Variants in C3orf33 observed in about 807,000 individuals in gnomAD.
C3orf33 encodes AP-1 activity suppressor.
A neutral mutation model predicts 28.7 loss-of-function variants in C3orf33; 23 were observed. The ratio of observed to expected loss-of-function variants is 0.80; its 90% CI spans 0.58 to 1.13. C3orf33 has a LOEUF of 1.13. Among genes scored for constraint, C3orf33 ranks in the 50% most tolerant of loss-of-function variants. C3orf33 has a pLI of 0.00. For missense variants in C3orf33, 327 were observed against 353.4 expected (o/e 0.93, Z 0.60); for synonymous variants, 119 against 120.5 (o/e 0.99, Z 0.08).
intron 2 of C3orf33, among the ~76,000 whole-genome samples, chr3:155,779,189 T>C (rs994227869): frequency 1.1e-4 from 16 of 151,848 alleles, no homozygotes; most frequent in Admixed American, 1.1e-3. Flanking sequence ...CCAAAAAAAG[T>C]TCAACCTAAG....
At position 155,806,242 on chromosome 3, in the gene C3orf33, T is replaced by A; in HGVS notation, c.11A>T (p.Gln4Leu). The A allele has an allele frequency of 6.9e-7, 1 of 1,455,228 alleles. No individual in the cohort carries two copies. The highest frequency in any genetic ancestry group is 9.1e-7 in the Non-Finnish European group (1 of 1,102,276). The allele number at this position is 1,455,228 out of a possible 1,614,324, so 90.1% of individuals were successfully genotyped here. Residue 4 changes from glutamine to leucine, a missense_variant, in exon 1 of 5, where the codon CAG becomes CTG. By Grantham distance (113) the Gln-to-Leu change is moderately radical. Coordinates refer to ENST00000340171, the MANE Select transcript of C3orf33 (RefSeq NM_001308229.2). The stretch of plus-strand genomic sequence containing the variant: ...AGACGGCGAGCCGGTGGCCGCGGGC[T>A]GCCCCGCCATGTTCCCGGCCTCCTG... Reference protein sequence around the residue: MAGQPAATGSPSAD... With the variant: MAGLPAATGSPSAD...
At chr3:155,768,930 C>CT (rs1750492851) in intron 3 of C3orf33, among the ~76,000 whole-genome samples, 1 of 152,112 alleles carries the variant, frequency 6.6e-6, no homozygotes, top group South Asian at 2.1e-4. Context: ...AATCCCAGCA[C>CT]TTTGGGAGGC....
rs143638743 is a variant in C3orf33 at position 155,801,972 on chromosome 3, G to A, written c.174+560C>T. On this transcript the variant is annotated intron_variant, in intron 2 of 4. Transcript: ENST00000340171. ...TCATCATGTTGGCCAGGCTGGTCTCGAACTCCTGACCTCAGGTGATCCACT... is the reference window on the plus strand; with the variant it reads ...TCATCATGTTGGCCAGGCTGGTCTCAAACTCCTGACCTCAGGTGATCCACT... Among the ~76,000 whole-genome samples the A allele has an allele frequency of 3.3e-3, 508 of 152,160 alleles. 2 individuals are homozygous for A. Among genetic ancestry groups the A allele is most frequent in the African/African-American group, 0.011 (477 of 41,506 alleles).
chr3:155,768,146 C>CTGGG (rs1055339834), intron 3 of C3orf33, among the ~76,000 whole-genome samples: 15 of 152,326 alleles, frequency 9.8e-5, no homozygotes, highest in African/African-American at 3.6e-4. Context: ...TCCCAAAGTG[C>CTGGG]TGGGATTACA....
intron 2 of C3orf33, among the ~76,000 whole-genome samples, chr3:155,795,658 A>G (rs574398641): frequency 2.0e-5 from 3 of 152,006 alleles, no homozygotes; most frequent in Non-Finnish European, 4.4e-5. Flanking sequence ...AATTTCTTGA[A>G]TCAAATGGTA....
chr3:155,801,722 G>C (rs939157233), intron 2 of C3orf33, among the ~76,000 whole-genome samples: 1 of 152,010 alleles, frequency 6.6e-6, no homozygotes, highest in Non-Finnish European at 1.5e-5. Flanking sequence ...GAGGGGAAAG[G>C]GAAGTTGGAG....
At chr3:155,788,509 C>G (rs932811748) in intron 2 of C3orf33, among the ~76,000 whole-genome samples, 5 of 151,884 alleles carry the variant, frequency 3.3e-5, no homozygotes, top group Middle Eastern at 3.4e-3. Context: ...ATAGTGAAAC[C>G]CTGTCTCTAC....
intron 2 of C3orf33, among the ~76,000 whole-genome samples, chr3:155,784,998 C>T (rs1349230245): frequency 6.6e-6 from 1 of 151,390 alleles, no homozygotes; most frequent in Non-Finnish European, 1.5e-5. Flanking sequence ...ACTTTAAATC[C>T]AAACAAATAG....
At chr3:155,800,639 A>AAAAAAAAAAAAAAAAAAAAAC (rs1751619432) in intron 2 of C3orf33, among the ~76,000 whole-genome samples, 1 of 144,068 alleles carries the variant, frequency 6.9e-6, no homozygotes, top group Non-Finnish European at 1.5e-5. Context: ...AAAAAAAAAA[A>AAAAAAAAAAAAAAAAAAAAAC]AAGGCAACAT....
chr3:155,794,954 AAT>A (rs1442531710), intron 2 of C3orf33, among the ~76,000 whole-genome samples: 1 of 152,216 alleles, frequency 6.6e-6, no homozygotes, highest in Non-Finnish European at 1.5e-5. Context: ...GTCCCAATAT[AAT>A]AATAGCTGGA....
chr3:155,784,369 G>C (rs1363818567), intron 2 of C3orf33, among the ~76,000 whole-genome samples: 1 of 152,132 alleles, frequency 6.6e-6, no homozygotes, highest in Non-Finnish European at 1.5e-5. Context: ...TTAAATTAGA[G>C]TGTTATAACT....
At chr3:155,778,159 A>C (rs994956300) in intron 2 of C3orf33, among the ~76,000 whole-genome samples, 1 of 151,686 alleles carries the variant, frequency 6.6e-6, no homozygotes, top group Non-Finnish European at 1.5e-5. Context: ...AAAAAAAAAA[A>C]AAAACAAGTA....
At chr3:155,795,841 A>G (rs1751460689) in intron 2 of C3orf33, among the ~76,000 whole-genome samples, 1 of 152,040 alleles carries the variant, frequency 6.6e-6, no homozygotes, top group South Asian at 2.1e-4. Context: ...CTGTAATCCC[A>G]GCTAATCAGG....
At chr3:155,772,160 G>A (rs540296324) in intron 3 of C3orf33, among the ~76,000 whole-genome samples, 9 of 152,190 alleles carry the variant, frequency 5.9e-5, no homozygotes, top group African/African-American at 1.4e-4. Flanking sequence ...AACCATGATC[G>A]CACCACTGCA....
chr3:155,804,255 ATAT>A (rs63242260), intron 1 of C3orf33: 85,879 of 358,576 alleles, frequency 0.24, 10,945 homozygotes, highest in East Asian at 0.36. Context: ...ATTATTTGTA[ATAT>A]TATAACTATG....
At chr3:155,786,512 T>C (rs1183896676) in intron 2 of C3orf33, among the ~76,000 whole-genome samples, 2 of 152,122 alleles carry the variant, frequency 1.3e-5, no homozygotes, top group East Asian at 3.9e-4. Flanking sequence ...ATAACATAGA[T>C]GAAATGGATA....
At chr3:155,778,549 GA>G (rs1750823599) in intron 2 of C3orf33, among the ~76,000 whole-genome samples, 1 of 152,244 alleles carries the variant, frequency 6.6e-6, no homozygotes. Context: ...TTTTTTAGGA[GA>G]AAAAGTTGGG....
chr3:155,763,772 T>A lies in C3orf33; in HGVS notation c.630A>T (p.Lys210Asn), dbSNP rs1024755082. The change falls in exon 5 of 5, where the codon AAA becomes AAT. Residue 210 changes from lysine to asparagine, a missense_variant. Physicochemically the swap from Lys to Asn is moderately conservative, Grantham distance 94. Transcript: ENST00000340171. Reference sequence around the variant, plus strand: ...CTTCCTTCCATATTCCTTCTCCTTTTTTTAAGGCTGTTAATTCAGCTTTAA... The same window carrying A: ...CTTCCTTCCATATTCCTTCTCCTTTATTTAAGGCTGTTAATTCAGCTTTAA... Reference protein sequence around the residue: ...NLLKAELTALKKGEGIWKEDS... With the variant: ...NLLKAELTALNKGEGIWKEDS... The A allele has an allele frequency of 6.2e-7, 1 of 1,606,498 alleles. No homozygotes were observed. The highest frequency in any genetic ancestry group is 1.7e-5 in the Admixed American group (1 of 58,412).
In C3orf33 at chr3:155,763,498, T is replaced by C. The variant is rs144240790; in HGVS notation, c.*19A>G. The stretch of plus-strand genomic sequence containing the variant: ...ATTTCACTCTTTGGAGAAGGTTACC[T>C]CTAGATTTCTTGACCGTTTCACCCT... On this transcript the variant is annotated 3_prime_UTR_variant, in exon 5 of 5. Transcript: ENST00000340171. 2.1e-6 allele frequency: 3 copies of C among 1,462,144 alleles called. No homozygotes were observed. In the African/African-American group the frequency reaches 4.3e-5, roughly 21 times the overall value. 90.6% of individuals were successfully genotyped at this position (1,462,144 alleles called of 1,614,324 possible).
Sources: allele counts gnomAD v4.1 joint callset (sites outside exome capture counted in the v4.1 genomes callset), GRCh38; gene constraint gnomAD v4.1.1; transcripts MANE v1.5; gene names NCBI Gene and HGNC (gene_info 2026-07-23, HGNC 2026-07-21).